PDE12: variants seen among roughly 807,000 people sequenced by gnomAD.
PDE12 encodes the protein 2',5'-phosphodiesterase 12.
A neutral mutation model predicts 45.4 loss-of-function variants in PDE12; 26 were observed. That is an observed-to-expected ratio of 0.57 (90% CI 0.42 to 0.79). The LOEUF is 0.79. Ranked by LOEUF, PDE12 falls within the 30% of genes least tolerant of loss-of-function variation. The pLI, the probability that PDE12 is intolerant of heterozygous loss-of-function variation, is 0.00. For missense variants in PDE12, 668 were observed against 790.0 expected, an observed-to-expected ratio of 0.85 and a Z score of 1.85; for synonymous variants, 283 against 323.9, an observed-to-expected ratio of 0.87 and a Z score of 1.36.
the PDE12 span, among the ~76,000 whole-genome samples, chr3:57,656,174 T>C: frequency 1.3e-5 from 2 of 152,184 alleles, no homozygotes; most frequent in African/African-American, 4.8e-5. Context: ...CCGCAGCCCT[T>C]ATGTAGTAGA....
chr3:57,596,261 G>A, the PDE12 span, among the ~76,000 whole-genome samples: 1 of 152,112 alleles, frequency 6.6e-6, no homozygotes, highest in Non-Finnish European at 1.5e-5. Context: ...AAAATTCAGC[G>A]TCATGATGTT....
the PDE12 span, among the ~76,000 whole-genome samples, chr3:57,589,102 CAA>C: frequency 1.2e-3 from 171 of 142,342 alleles, no homozygotes; most frequent in Non-Finnish European, 1.1e-3. Flanking sequence ...AACTCCGTCT[CAA>C]AAAAAAAAAA....
downstream of PDE12, among the ~76,000 whole-genome samples, chr3:57,570,942 C>A (rs2153408125): frequency 6.6e-6 from 1 of 152,156 alleles, no homozygotes; most frequent in South Asian, 2.1e-4. Context: ...CTCCCTACCC[C>A]ACTCCACATG....
chr3:57,646,192 T>C, the PDE12 span: 2 of 1,347,516 alleles, frequency 1.5e-6, no homozygotes, highest in Non-Finnish European at 1.0e-6. Context: ...GGTTTTTGCA[T>C]GGATCAATGC....
the PDE12 span, among the ~76,000 whole-genome samples, chr3:57,636,810 G>A: frequency 2.0e-5 from 3 of 152,066 alleles, no homozygotes; most frequent in Middle Eastern, 3.4e-3. Flanking sequence ...GGTGGCACAC[G>A]CCTGTAGTCC....
In PDE12 at chr3:57,560,028, T is replaced by C. The variant is rs2069710887; in HGVS notation, c.*24T>C. 1 of 1,565,620 alleles carries C rather than the reference T, an allele frequency of 6.4e-7. No homozygotes were observed. The highest frequency in any genetic ancestry group is 1.9e-5 in the Admixed American group (1 of 53,608). On this transcript the variant is annotated 3_prime_UTR_variant, in exon 3 of 3. Transcript: ENST00000311180. The stretch of plus-strand genomic sequence containing the variant: ...AGATGTGTGTTTAATGGAATTGAAG[T>C]CTGAAAAGGAAGTAGTTATTTTAGC...
At chr3:57,649,098 C>T in the PDE12 span, among the ~76,000 whole-genome samples, 3 of 152,130 alleles carry the variant, frequency 2.0e-5, no homozygotes, top group Non-Finnish European at 1.5e-5. Context: ...AAAATCTTCA[C>T]AATCTATACA....
the PDE12 span, among the ~76,000 whole-genome samples, chr3:57,590,134 AAAC>A: frequency 2.7e-4 from 39 of 144,076 alleles, 4 homozygotes; most frequent in Admixed American, 2.2e-3. Context: ...TAAATAAATA[AAAC>A]AAAAAACAAA....
chr3:57,648,264 C>T, the PDE12 span, among the ~76,000 whole-genome samples: 1 of 151,980 alleles, frequency 6.6e-6, no homozygotes, highest in Non-Finnish European at 1.5e-5. Flanking sequence ...AGCTGCAATA[C>T]ATAAAATACT....
the PDE12 span, among the ~76,000 whole-genome samples, chr3:57,598,608 A>T: frequency 6.6e-6 from 1 of 152,144 alleles, no homozygotes; most frequent in Non-Finnish European, 1.5e-5. Flanking sequence ...GGTGAAACCC[A>T]GTCTCTACTA....
At chr3:57,645,710 T>C in the PDE12 span, 1 of 1,613,304 alleles carries the variant, frequency 6.2e-7, no homozygotes, top group Non-Finnish European at 8.5e-7. Context: ...TCATGAATAG[T>C]GAAATAAGGT....
intron 1 of PDE12, among the ~76,000 whole-genome samples, chr3:57,558,824 A>C (rs556028780): frequency 1.4e-5 from 2 of 139,022 alleles, no homozygotes; most frequent in South Asian, 4.4e-4. Context: ...GTTACACTGA[A>C]CCTAGTCATG....
At chr3:57,574,524 CT>C in the PDE12 span, among the ~76,000 whole-genome samples, 2 of 151,794 alleles carry the variant, frequency 1.3e-5, no homozygotes, top group African/African-American at 4.8e-5. Context: ...GTCCTCCCAC[CT>C]CAGCCTCCCA....
the PDE12 span, chr3:57,633,290 AGTTC>A: frequency 6.2e-7 from 1 of 1,613,816 alleles, no homozygotes; most frequent in South Asian, 1.1e-5. Context: ...ACTTTGTGTC[AGTTC>A]CAAAAAATAG....
At chr3:57,589,782 T>C in the PDE12 span, among the ~76,000 whole-genome samples, 1 of 150,178 alleles carries the variant, frequency 6.7e-6, no homozygotes, top group Admixed American at 6.7e-5. Context: ...CAAGAAATAC[T>C]TACATTTTAA....
the PDE12 span, among the ~76,000 whole-genome samples, chr3:57,574,180 C>G: frequency 6.6e-6 from 1 of 152,008 alleles, no homozygotes; most frequent in Non-Finnish European, 1.5e-5. Flanking sequence ...ACCTCATGAT[C>G]CACCCACCTC....
the PDE12 span, among the ~76,000 whole-genome samples, chr3:57,607,032 C>T: frequency 6.6e-6 from 1 of 152,276 alleles, no homozygotes; most frequent in South Asian, 2.1e-4. Flanking sequence ...CAGCCGGGTA[C>T]CCCTCTGAGA....
At chr3:57,596,112 G>C in the PDE12 span, among the ~76,000 whole-genome samples, 1 of 152,274 alleles carries the variant, frequency 6.6e-6, no homozygotes, top group African/African-American at 2.4e-5. Context: ...ACCGGGAGCG[G>C]TTGCTTACTT....
In PDE12 at chr3:57,556,463, C is replaced by T. The variant is rs768318458; in HGVS notation, c.84C>T (p.Ser28=). The T allele has an allele frequency of 1.2e-6, 2 of 1,613,120 alleles. No homozygotes were observed. The highest frequency in any genetic ancestry group is 1.7e-6 in the Non-Finnish European group (2 of 1,179,826). ...AGCTGAGCCGGGCTGAAGCGGGGAGCCAGACAGCGGCGGGAGCGATGGAGC... is the reference window on the plus strand; with the variant it reads ...AGCTGAGCCGGGCTGAAGCGGGGAGTCAGACAGCGGCGGGAGCGATGGAGC... ...VEKLSRAEAG[S]QTAAGAMERA... is the part of the protein sequence containing the mutation. The change falls in exon 1 of 3, where the codon AGC becomes AGT. Residue 28 remains serine (S), a synonymous_variant. Coordinates refer to ENST00000311180, the MANE Select transcript of PDE12 (RefSeq NM_177966.7). This position sits in a 1 kb window ranked among gnomAD's most constrained non-coding sequence, Gnocchi z 5.0.
Sources: gnomAD v4.1 joint callset for allele counts (sites outside exome capture counted in the v4.1 genomes callset) on GRCh38, gnomAD v4.1.1 for gene constraint, Gnocchi (gnomAD v3.1) non-coding constraint, MANE v1.5 for transcripts, NCBI Gene and HGNC (gene_info 2026-07-23, HGNC 2026-07-21) for gene names.